Variants in CSMD1 observed in about 807,000 individuals in gnomAD.
CSMD1 encodes the protein CUB and sushi domain-containing protein 1.
A neutral mutation model predicts 417.5 loss-of-function variants in CSMD1; 213 were observed. That is an observed-to-expected ratio of 0.51 (90% CI 0.46 to 0.57). The LOEUF (loss-of-function observed/expected upper bound fraction) is 0.57. CSMD1 is among the 20% of genes least tolerant of loss of function. CSMD1 has a pLI of 0.00. For synonymous variants in CSMD1, 2,862 were observed against 1,736.8 expected, an observed-to-expected ratio of 1.65 and a Z score of -16.11; for missense variants, 6,923 against 4,529.7, an observed-to-expected ratio of 1.53 and a Z score of -15.17.
intron 2 of CSMD1, among the ~76,000 whole-genome samples, chr8:4,607,121 C>T (rs35418274): frequency 0.027 from 4,150 of 151,920 alleles, 91 homozygotes; most frequent in Middle Eastern, 0.1. Context: ...GTTTGGAGCA[C>T]TTTTTTTTAC....
At chr8:4,979,766 G>C (rs1810771859) in intron 1 of CSMD1, among the ~76,000 whole-genome samples, 1 of 152,198 alleles carries the variant, frequency 6.6e-6, no homozygotes, top group Non-Finnish European at 1.5e-5. Context: ...GGCCACGCGT[G>C]GTGGCTCACG....
chr8:3,788,726 A>T (rs1483663283), intron 5 of CSMD1, among the ~76,000 whole-genome samples: 1 of 152,222 alleles, frequency 6.6e-6, no homozygotes, highest in Non-Finnish European at 1.5e-5. Context: ...TTCAGAGATT[A>T]GAAAGCACTT....
intron 3 of CSMD1, among the ~76,000 whole-genome samples, chr8:4,273,251 T>C (rs1001485337): frequency 6.6e-6 from 1 of 152,136 alleles, no homozygotes; most frequent in African/African-American, 2.4e-5. Context: ...AAAAAGGCAA[T>C]GAGCATATTT....
intron 12 of CSMD1, among the ~76,000 whole-genome samples, chr8:3,465,563 T>A (rs996077497): frequency 6.6e-6 from 1 of 152,054 alleles, no homozygotes; most frequent in Non-Finnish European, 1.5e-5. Flanking sequence ...GAGACAACAG[T>A]GCCCAAGGTA....
chr8:3,034,522 A>G (rs1228542213), intron 50 of CSMD1, among the ~76,000 whole-genome samples: 2 of 152,338 alleles, frequency 1.3e-5, no homozygotes, highest in African/African-American at 4.8e-5. Context: ...AACACACATT[A>G]CATATATAAA....
chr8:3,100,432 G>A (rs1208566495), intron 46 of CSMD1, among the ~76,000 whole-genome samples: 1 of 152,224 alleles, frequency 6.6e-6, no homozygotes, highest in Admixed American at 6.5e-5. Context: ...GTTATAAACT[G>A]TTGCTTAGAG....
chr8:4,357,206 A>C (rs540702575), intron 3 of CSMD1, among the ~76,000 whole-genome samples: 8 of 152,310 alleles, frequency 5.3e-5, no homozygotes, highest in Middle Eastern at 3.4e-3. Flanking sequence ...TTAAGTAGCT[A>C]AGGGTTTTCA....
At chr8:4,528,712 C>T (rs1395211001) in intron 2 of CSMD1, among the ~76,000 whole-genome samples, 1 of 152,020 alleles carries the variant, frequency 6.6e-6, no homozygotes, top group Non-Finnish European at 1.5e-5. Context: ...TTATGTACAG[C>T]TTTTTGTAGG....
chr8:4,914,565 G>C (rs1306546044), intron 1 of CSMD1, among the ~76,000 whole-genome samples: 5 of 137,244 alleles, frequency 3.6e-5, no homozygotes, highest in African/African-American at 1.4e-4. Context: ...GAGACAGCGA[G>C]ACTCCATCTC....
chr8:4,380,767 C>T (rs1034451235), intron 3 of CSMD1, among the ~76,000 whole-genome samples: 3 of 150,976 alleles, frequency 2.0e-5, no homozygotes, highest in Non-Finnish European at 3.0e-5. Flanking sequence ...TGTAAAAGTG[C>T]TGAAACAAAA....
intron 4 of CSMD1, among the ~76,000 whole-genome samples, chr8:4,021,603 A>C (rs1796792017): frequency 6.6e-6 from 1 of 152,168 alleles, no homozygotes; most frequent in Admixed American, 6.5e-5. Flanking sequence ...TGATGCCCTC[A>C]AATGACTTAT....
rs1325154176 is a variant in CSMD1, at chr8:4,355,218, C to T, written c.415+64735G>A. Among the ~76,000 whole-genome samples, 7 of 151,856 alleles carry T rather than the reference C, an allele frequency of 4.6e-5. 1 individual carries two copies. The highest frequency in any genetic ancestry group is 6.8e-3 in the Middle Eastern group (2 of 294). The stretch of plus-strand genomic sequence containing the variant: ...CGGAGCTTGCAATGATCCGAGATCG[C>T]GCCACTGCACTCCAGCCTGGGTAAG... On this transcript the variant is annotated intron_variant, in intron 3 of 69. Transcript: ENST00000635120.
intron 2 of CSMD1, among the ~76,000 whole-genome samples, chr8:4,483,322 G>C (rs2918048): frequency 0.88 from 134,128 of 152,228 alleles, 59,181 homozygotes; most frequent in Middle Eastern, 0.97. Flanking sequence ...TCGGATATGT[G>C]TTTATCGGCA....
chr8:4,684,215 G>T (rs1806227388), intron 1 of CSMD1, among the ~76,000 whole-genome samples: 1 of 152,220 alleles, frequency 6.6e-6, no homozygotes, highest in African/African-American at 2.4e-5. Flanking sequence ...GAGAAGTTCA[G>T]TGGATTTTCT....
chr8:4,070,444 G>T (rs2552120), intron 3 of CSMD1, among the ~76,000 whole-genome samples: 1 of 151,606 alleles, frequency 6.6e-6, no homozygotes, highest in African/African-American at 2.4e-5. Context: ...TGCAAGCTCC[G>T]CCTCCCGGGT....
chr8:3,828,295 G>A (rs1802170740), intron 5 of CSMD1, among the ~76,000 whole-genome samples: 1 of 152,108 alleles, frequency 6.6e-6, no homozygotes, highest in Non-Finnish European at 1.5e-5. Flanking sequence ...CTTATTTTCA[G>A]TTTGGAACAC....
At position 3,454,452 on chromosome 8, in the gene CSMD1, G is replaced by A. The variant is rs548389177; in HGVS notation, c.1561+14260C>T. On this transcript the variant is annotated intron_variant, in intron 12 of 69. Transcript: ENST00000635120. ...GCATGTTTTTGCAGTGGCTGGTACC[G>A]GTTGTTCCTTTCCATGTTTTGTGCT... 3.7e-4 allele frequency among the ~76,000 whole-genome samples: 56 copies of A among 152,252 alleles called. No homozygotes were observed. The South Asian group carries it at 4.8e-3, about 13-fold the overall frequency.
intron 1 of CSMD1, among the ~76,000 whole-genome samples, chr8:4,877,643 C>G (rs1046625783): frequency 3.3e-5 from 5 of 152,036 alleles, no homozygotes; most frequent in African/African-American, 1.2e-4. Flanking sequence ...CCAAGTCCTG[C>G]CAAATATAGC....
intron 36 of CSMD1, among the ~76,000 whole-genome samples, chr8:3,184,130 T>A (rs1388457527): frequency 1.3e-5 from 2 of 152,150 alleles, no homozygotes; most frequent in Admixed American, 6.5e-5. Context: ...TCATTACTTG[T>A]TTTTCAGAAT....
Sources: gnomAD v4.1 joint callset for allele counts (sites outside exome capture counted in the v4.1 genomes callset) on GRCh38, gnomAD v4.1.1 for gene constraint, MANE v1.5 for transcripts, NCBI Gene and HGNC (gene_info 2026-07-23, HGNC 2026-07-21) for gene names.